Variants in AUH observed in about 807,000 individuals in gnomAD.
The protein encoded by AUH is AU RNA binding methylglutaconyl-CoA hydratase.
In AUH, 29 loss-of-function variants were observed where a neutral mutation model predicts 42.3. That is an observed-to-expected ratio of 0.69 (90% CI 0.51 to 0.93). AUH has a LOEUF of 0.93. Among genes scored for constraint, AUH ranks in the 40% least tolerant of loss-of-function variants. AUH has a pLI of 0.00. For synonymous variants in AUH, 174 were observed against 166.4 expected, an observed-to-expected ratio of 1.05 and a Z score of -0.35; for missense variants, 452 against 438.1, an observed-to-expected ratio of 1.03 and a Z score of -0.28.
intron 6 of AUH, among the ~76,000 whole-genome samples, chr9:91,243,824 A>G (rs1354585276): frequency 6.6e-6 from 1 of 152,216 alleles, no homozygotes; most frequent in Non-Finnish European, 1.5e-5. Context: ...ATTTGACTAT[A>G]ACTAAAGCTA....
At chr9:91,310,859 CT>C (rs1828650088) in intron 4 of AUH, among the ~76,000 whole-genome samples, 1 of 152,114 alleles carries the variant, frequency 6.6e-6, no homozygotes, top group Non-Finnish European at 1.5e-5. Flanking sequence ...AATATCAAAC[CT>C]CTGCAGAAGA....
chr9:91,270,694 T>C (rs1227819631), intron 6 of AUH, among the ~76,000 whole-genome samples: 1 of 152,066 alleles, frequency 6.6e-6, no homozygotes, highest in African/African-American at 2.4e-5. Context: ...AAAGAATCAG[T>C]ATTTGACCTA....
intron 6 of AUH, among the ~76,000 whole-genome samples, chr9:91,258,913 T>G (rs919834959): frequency 2.0e-5 from 3 of 152,222 alleles, no homozygotes; most frequent in Non-Finnish European, 4.4e-5. Context: ...TATGAATTAT[T>G]GGATTTGATA....
At chr9:91,349,697 C>T (rs1356749437) in intron 3 of AUH, among the ~76,000 whole-genome samples, 2 of 149,904 alleles carry the variant, frequency 1.3e-5, no homozygotes, top group South Asian at 2.1e-4. Flanking sequence ...CACACACACA[C>T]ACACACAGAG....
intron 1 of AUH, 51 bp from the exon 2 acceptor site, chr9:91,356,206 G>C (rs763658710): frequency 2.8e-6 from 4 of 1,445,034 alleles, no homozygotes; most frequent in Non-Finnish European, 3.9e-6. Context: ...AAGGCATTCA[G>C]AGAACAGACT....
rs58728272 is a variant in AUH at position 91,276,414 on chromosome 9, CAA to C, written c.655+19605_655+19606del. Among the ~76,000 whole-genome samples the C allele has an allele frequency of 4.7e-3, 517 of 110,224 alleles. 6 individuals carry two copies. Among genetic ancestry groups the C allele is most frequent in the South Asian group, 8.5e-3 (30 of 3,514 alleles). 72.3% of individuals were successfully genotyped at this position (110,224 alleles called of 152,430 possible). The stretch of plus-strand genomic sequence containing the variant: ...GATGACAGAGTAAGACCCTGTCTCC[CAA>C]AAAAAAAAAAAAAAGAGTATTGCAT... On this transcript the variant is annotated intron_variant, in intron 6 of 9. Coordinates refer to ENST00000375731, the MANE Select transcript of AUH (RefSeq NM_001698.3).
chr9:91,275,201 C>A (rs1367276026), intron 6 of AUH, among the ~76,000 whole-genome samples: 3 of 152,180 alleles, frequency 2.0e-5, no homozygotes, highest in Non-Finnish European at 4.4e-5. Context: ...GACAGAAACA[C>A]AGAGAGGCAA....
chr9:91,225,805 T>C (rs559160396), intron 6 of AUH, among the ~76,000 whole-genome samples: 1 of 151,740 alleles, frequency 6.6e-6, no homozygotes, highest in South Asian at 2.1e-4. Flanking sequence ...ATGCGGTGTT[T>C]GGTTTTTTGT....
intron 4 of AUH, among the ~76,000 whole-genome samples, chr9:91,319,658 C>A (rs1829419201): frequency 6.6e-6 from 1 of 152,184 alleles, no homozygotes; most frequent in South Asian, 2.1e-4. Flanking sequence ...GAACACGGGG[C>A]TGCAAAGTGG....
intron 6 of AUH, among the ~76,000 whole-genome samples, chr9:91,224,995 T>C (rs775180245): frequency 7.2e-5 from 11 of 152,226 alleles, no homozygotes; most frequent in Non-Finnish European, 1.5e-4. Flanking sequence ...ATGATTGATA[T>C]GGAATCTAAG....
intron 1 of AUH, among the ~76,000 whole-genome samples, chr9:91,358,629 A>C (rs1832618116): frequency 6.6e-6 from 1 of 152,156 alleles, no homozygotes; most frequent in South Asian, 2.1e-4. Context: ...TAGCATGAAC[A>C]CCTCTCATGC....
intron 6 of AUH, among the ~76,000 whole-genome samples, chr9:91,271,761 G>A (rs1825147181): frequency 2.0e-5 from 3 of 152,122 alleles, no homozygotes; most frequent in African/African-American, 4.8e-5. Flanking sequence ...GCTCACTGCA[G>A]CCTCCGCCTC....
At chr9:91,306,962 T>C (rs1828272661) in intron 4 of AUH, among the ~76,000 whole-genome samples, 2 of 152,100 alleles carry the variant, frequency 1.3e-5, no homozygotes, top group African/African-American at 4.8e-5. Context: ...AAAAGAACTA[T>C]TGATCAAAAA....
chr9:91,223,465 T>G (rs1827249990), intron 6 of AUH, among the ~76,000 whole-genome samples: 1 of 152,192 alleles, frequency 6.6e-6, no homozygotes, highest in African/African-American at 2.4e-5. Context: ...GCTTATCCAT[T>G]CACCCCTGGA....
intron 6 of AUH, among the ~76,000 whole-genome samples, chr9:91,267,849 A>C (rs950013536): frequency 3.9e-5 from 6 of 151,980 alleles, no homozygotes; most frequent in African/African-American, 1.5e-4. Flanking sequence ...TTCACCTAAC[A>C]CTACTACCAC....
chr9:91,223,966 C>T (rs1024923050), intron 6 of AUH, among the ~76,000 whole-genome samples: 3 of 152,142 alleles, frequency 2.0e-5, no homozygotes, highest in Non-Finnish European at 2.9e-5. Flanking sequence ...GACTCCTTGC[C>T]CCTCCCTAGT....
chr9:91,253,550 G>A (rs892209384), intron 6 of AUH, among the ~76,000 whole-genome samples: 4 of 152,164 alleles, frequency 2.6e-5, no homozygotes, highest in Non-Finnish European at 4.4e-5. Context: ...AAACCTCCTA[G>A]CCCAGAACAA....
chr9:91,282,269 A>G (rs1184886483), intron 6 of AUH, among the ~76,000 whole-genome samples: 1 of 152,106 alleles, frequency 6.6e-6, no homozygotes, highest in Non-Finnish European at 1.5e-5. Flanking sequence ...TACCTTTTAA[A>G]TGGGGTTTGC....
chr9:91,291,148 G>A (rs775563921), intron 6 of AUH, among the ~76,000 whole-genome samples: 29 of 152,098 alleles, frequency 1.9e-4, no homozygotes, highest in Non-Finnish European at 3.2e-4. Flanking sequence ...TTCTGTCTTC[G>A]CATCACCTTC....
Sources: gnomAD v4.1 joint callset for allele counts (sites outside exome capture counted in the v4.1 genomes callset) on GRCh38, gnomAD v4.1.1 for gene constraint, MANE v1.5 for transcripts, NCBI Gene and HGNC (gene_info 2026-07-23, HGNC 2026-07-21) for gene names.